CCSER1: variants seen among roughly 807,000 people sequenced by gnomAD.
CCSER1 encodes the protein coiled-coil serine rich protein 1.
A neutral mutation model predicts 82.0 loss-of-function variants in CCSER1; 41 were observed. The ratio of observed to expected loss-of-function variants is 0.50; its 90% CI spans 0.39 to 0.65. The LOEUF is 0.65. Ranked by LOEUF, CCSER1 falls within the 30% of genes least tolerant of loss-of-function variation. The pLI is 0.00. For missense variants in CCSER1, 1,119 were observed against 1,064.2 expected (o/e 1.05, Z -0.72); for synonymous variants, 414 against 383.9 (o/e 1.08, Z -0.92).
intron 6 of CCSER1, among the ~76,000 whole-genome samples, chr4:90,719,027 A>G (rs909209814): frequency 6.6e-6 from 1 of 152,030 alleles, no homozygotes; most frequent in East Asian, 1.9e-4. Context: ...ATACTTTATT[A>G]CAGGGCTCCT....
intron 10 of CCSER1, among the ~76,000 whole-genome samples, chr4:91,565,386 C>A (rs1381006394): frequency 6.6e-6 from 1 of 151,950 alleles, no homozygotes; most frequent in Non-Finnish European, 1.5e-5. Flanking sequence ...TGTTCAGGCT[C>A]TTTTATGGTT....
intron 6 of CCSER1, among the ~76,000 whole-genome samples, chr4:90,683,748 T>A (rs574694594): frequency 1.3e-5 from 2 of 152,110 alleles, no homozygotes; most frequent in African/African-American, 4.8e-5. Flanking sequence ...CAAGAAAAGG[T>A]AGTTTTTCTT....
At chr4:91,162,716 A>G (rs1376275904) in intron 10 of CCSER1, among the ~76,000 whole-genome samples, 2 of 152,148 alleles carry the variant, frequency 1.3e-5, no homozygotes, top group Admixed American at 1.3e-4. Context: ...GTTTATTTGC[A>G]TAGAGGTGTT....
At chr4:91,523,576 T>C (rs1760616542) in intron 10 of CCSER1, among the ~76,000 whole-genome samples, 1 of 152,210 alleles carries the variant, frequency 6.6e-6, no homozygotes, top group Non-Finnish European at 1.5e-5. Context: ...TATTCAAGGA[T>C]GCAACTTCTT....
chr4:90,314,001 T>C (rs1735740445), intron 3 of CCSER1, among the ~76,000 whole-genome samples: 2 of 152,280 alleles, frequency 1.3e-5, no homozygotes, highest in South Asian at 4.1e-4. Flanking sequence ...CAAATGAAAA[T>C]ATTAGGTAAT....
intron 9 of CCSER1, among the ~76,000 whole-genome samples, chr4:91,063,287 T>A (rs1370836202): frequency 6.6e-6 from 1 of 152,110 alleles, no homozygotes; most frequent in African/African-American, 2.4e-5. Flanking sequence ...TATGGGATAA[T>A]AATAATATCT....
chr4:91,401,862 G>A (rs1410097885), intron 10 of CCSER1, among the ~76,000 whole-genome samples: 1 of 152,020 alleles, frequency 6.6e-6, no homozygotes. Context: ...ATAAACATAC[G>A]TGTGCATGTG....
chr4:90,813,589 A>C (rs570442693), intron 7 of CCSER1, among the ~76,000 whole-genome samples: 1 of 152,274 alleles, frequency 6.6e-6, no homozygotes, highest in East Asian at 1.9e-4. Flanking sequence ...ATTGTGCATA[A>C]GTCTCACAGA....
At chr4:91,070,103 G>C (rs186987361) in intron 9 of CCSER1, among the ~76,000 whole-genome samples, 21 of 151,616 alleles carry the variant, frequency 1.4e-4, no homozygotes, top group Admixed American at 7.9e-4. Flanking sequence ...TCCTGCCTCA[G>C]CCTCCCAAGT....
intron 1 of CCSER1, among the ~76,000 whole-genome samples, chr4:90,220,138 T>G (rs1034999109): frequency 4.6e-5 from 7 of 152,182 alleles, no homozygotes; most frequent in Non-Finnish European, 8.8e-5. Flanking sequence ...TATTTTGTTT[T>G]TAGTTATTTT....
At chr4:90,291,672 T>A (rs969395103) in intron 1 of CCSER1, among the ~76,000 whole-genome samples, 1 of 152,054 alleles carries the variant, frequency 6.6e-6, no homozygotes, top group Non-Finnish European at 1.5e-5. Context: ...GCTAAATTTG[T>A]TGTATCTCCT....
At chr4:91,277,174 G>C (rs866560754) in intron 10 of CCSER1, among the ~76,000 whole-genome samples, 16 of 152,150 alleles carry the variant, frequency 1.1e-4, no homozygotes, top group Middle Eastern at 6.8e-3. Context: ...GAATGAGTTA[G>C]CAAGAATTCC....
chr4:90,412,006 C>A (rs1161989113), intron 4 of CCSER1, among the ~76,000 whole-genome samples: 1 of 151,902 alleles, frequency 6.6e-6, no homozygotes, highest in Non-Finnish European at 1.5e-5. Flanking sequence ...TATAAAGACA[C>A]ATGCACACGT....
Position 90,904,666 on chromosome 4 carries a change from G to T in CCSER1, c.2095-18704G>T, listed in dbSNP as rs935056577. Among the ~76,000 whole-genome samples the T allele has an allele frequency of 3.3e-5, 5 of 152,020 alleles. No individual in the cohort carries two copies. The South Asian group carries it at 1.0e-3, about 32-fold the overall frequency. ...ATGTATGTGTGACGGGAGCAATAAG[G>T]GGGGGCCTGGTCAGAAAAGTAGCAT... On this transcript the variant is annotated intron_variant, in intron 8 of 10. Transcript: ENST00000509176.
At chr4:91,227,247 T>C (rs1344359800) in intron 10 of CCSER1, among the ~76,000 whole-genome samples, 1 of 151,324 alleles carries the variant, frequency 6.6e-6, no homozygotes, top group Non-Finnish European at 1.5e-5. Context: ...CATAAAGGAG[T>C]TGAAAAATAG....
intron 10 of CCSER1, among the ~76,000 whole-genome samples, chr4:91,401,912 C>G (rs1326466632): frequency 6.6e-6 from 1 of 152,160 alleles, no homozygotes; most frequent in Non-Finnish European, 1.5e-5. Flanking sequence ...TGGGTATATA[C>G]CCAGTAATGG....
At chr4:91,412,578 A>T (rs1008682403) in intron 10 of CCSER1, among the ~76,000 whole-genome samples, 3 of 152,124 alleles carry the variant, frequency 2.0e-5, no homozygotes, top group Admixed American at 6.6e-5. Flanking sequence ...ACAAATCCAT[A>T]ATCACTGGAG....
chr4:90,197,004 A>C (rs965970118), intron 1 of CCSER1, among the ~76,000 whole-genome samples: 2 of 151,970 alleles, frequency 1.3e-5, no homozygotes. Flanking sequence ...GTTCCACTAG[A>C]CTACCCCTAT....
At chr4:91,389,047 C>A (rs1751487474) in intron 10 of CCSER1, among the ~76,000 whole-genome samples, 1 of 151,930 alleles carries the variant, frequency 6.6e-6, no homozygotes, top group South Asian at 2.1e-4. Context: ...GCTTCCAATT[C>A]TTTTAACATT....
Sources: allele counts gnomAD v4.1 joint callset (sites outside exome capture counted in the v4.1 genomes callset), GRCh38; gene constraint gnomAD v4.1.1; transcripts MANE v1.5; gene names NCBI Gene and HGNC (gene_info 2026-07-23, HGNC 2026-07-21).